NPAS3: variants seen among roughly 807,000 people sequenced by gnomAD.
NPAS3 encodes the protein neuronal PAS domain protein 3.
In NPAS3, 14 loss-of-function variants were observed where a neutral mutation model predicts 73.1. That is an observed-to-expected ratio of 0.19 (90% confidence interval 0.13 to 0.30). The LOEUF (loss-of-function observed/expected upper bound fraction) is 0.30. NPAS3 is among the 10% of genes least tolerant of loss of function. NPAS3 has a pLI of 1.00. For synonymous variants in NPAS3, 620 were observed against 541.5 expected, an observed-to-expected ratio of 1.14 and a Z score of -2.01; for missense variants, 1,096 against 1,250.0, an observed-to-expected ratio of 0.88 and a Z score of 1.86.
At chr14:33,115,825 A>G (rs1272785217) in intron 2 of NPAS3, among the ~76,000 whole-genome samples, 1 of 152,104 alleles carries the variant, frequency 6.6e-6, no homozygotes, top group East Asian at 1.9e-4. Flanking sequence ...GGTGACCTGC[A>G]TCTATCTGAT....
intron 3 of NPAS3, among the ~76,000 whole-genome samples, chr14:33,255,765 T>C (rs1249717887): frequency 6.6e-6 from 1 of 152,178 alleles, no homozygotes; most frequent in Non-Finnish European, 1.5e-5. Context: ...CCCAGTGTCC[T>C]GTGTGATGTC....
chr14:33,199,103 G>C (rs987230058), intron 2 of NPAS3, among the ~76,000 whole-genome samples: 1 of 152,182 alleles, frequency 6.6e-6, no homozygotes, highest in Non-Finnish European at 1.5e-5. Flanking sequence ...TGCAGCCCTG[G>C]TTCCTGCCCG....
chr14:33,743,321 G>T (rs1244757388), intron 7 of NPAS3, among the ~76,000 whole-genome samples: 1 of 152,172 alleles, frequency 6.6e-6, no homozygotes, highest in Non-Finnish European at 1.5e-5. Context: ...TTACAACACT[G>T]ACCCCCCTGT....
chr14:33,125,142 A>T (rs956491499), intron 2 of NPAS3, among the ~76,000 whole-genome samples: 9 of 152,066 alleles, frequency 5.9e-5, no homozygotes, highest in Non-Finnish European at 1.2e-4. Flanking sequence ...CAGTGCCCAG[A>T]CTTTTGCTTG....
At chr14:32,960,244 T>G (rs964801680) in intron 1 of NPAS3, among the ~76,000 whole-genome samples, 1 of 152,200 alleles carries the variant, frequency 6.6e-6, no homozygotes, top group African/African-American at 2.4e-5. Context: ...TTACACTGAT[T>G]ACCAAAGTTA....
rs374905129 is a variant in NPAS3 at position 33,533,695 on chromosome 14, A to T, written c.469-26426A>T. On this transcript the variant is annotated intron_variant, in intron 4 of 11. Coordinates refer to ENST00000356141, the Ensembl canonical transcript of NPAS3. ...ATTTTGAAACCATGCTCCATAGAGG[A>T]ATGGTTAAATTTATTATGAAATACC... 1.1e-4 allele frequency among the ~76,000 whole-genome samples: 17 copies of T among 152,284 alleles called. 1 individual carries two copies. Among genetic ancestry groups the T allele is most frequent in the African/African-American group, 4.1e-4 (17 of 41,580 alleles).
chr14:33,480,882 G>A (rs1462168253), intron 4 of NPAS3, among the ~76,000 whole-genome samples: 7 of 151,958 alleles, frequency 4.6e-5, no homozygotes, highest in Non-Finnish European at 7.4e-5. Flanking sequence ...CATATTTCCA[G>A]ATCTTAATTA....
chr14:33,589,263 G>A (rs774718901), intron 5 of NPAS3, among the ~76,000 whole-genome samples: 7 of 152,072 alleles, frequency 4.6e-5, no homozygotes, highest in Middle Eastern at 3.2e-3. Context: ...GACAAGAACC[G>A]TCTCCCTGAC....
intron 1 of NPAS3, among the ~76,000 whole-genome samples, chr14:33,045,428 C>G (rs2138445201): frequency 6.6e-6 from 1 of 152,258 alleles, no homozygotes; most frequent in Non-Finnish European, 1.5e-5. Flanking sequence ...GAGGGCTTTA[C>G]ATTTTGTATT....
At chr14:32,939,638 AAAG>A (rs1299136269) in intron 1 of NPAS3, among the ~76,000 whole-genome samples, 2 of 149,438 alleles carry the variant, frequency 1.3e-5, no homozygotes, top group East Asian at 1.9e-4. Context: ...AAAAAAAAAA[AAAG>A]AAGAAAGAAA....
intron 1 of NPAS3, among the ~76,000 whole-genome samples, chr14:33,008,044 T>G (rs10483420): frequency 0.59 from 89,338 of 152,018 alleles, 27,600 homozygotes; most frequent in Non-Finnish European, 0.7. Flanking sequence ...ATCATATTGT[T>G]TACCAAGGAA....
chr14:33,102,304 C>T (rs890168954), intron 2 of NPAS3, among the ~76,000 whole-genome samples: 54 of 152,038 alleles, frequency 3.6e-4, no homozygotes, highest in African/African-American at 1.2e-3. Flanking sequence ...AAGGGGGAAG[C>T]CTTGGAGAAA....
chr14:33,180,197 C>G (rs373847718), intron 2 of NPAS3, among the ~76,000 whole-genome samples: 1 of 151,682 alleles, frequency 6.6e-6, no homozygotes, highest in African/African-American at 2.4e-5. Context: ...CCTTTCCTAC[C>G]CCAACTCTCG....
intron 3 of NPAS3, among the ~76,000 whole-genome samples, chr14:33,245,411 G>A (rs534930037): frequency 6.6e-6 from 1 of 152,256 alleles, no homozygotes; most frequent in South Asian, 2.1e-4. Flanking sequence ...CAGATCCAAA[G>A]CCCTTAACTT....
intron 2 of NPAS3, among the ~76,000 whole-genome samples, chr14:33,205,117 C>T (rs1424161800): frequency 6.6e-6 from 1 of 152,066 alleles, no homozygotes. Context: ...AATAAACAAT[C>T]TTAATATTTT....
chr14:33,218,558 T>A (rs1159967632), intron 3 of NPAS3, among the ~76,000 whole-genome samples: 1 of 152,208 alleles, frequency 6.6e-6, no homozygotes, highest in Non-Finnish European at 1.5e-5. Flanking sequence ...GCCTGCAGCA[T>A]CATGTGAAGT....
intron 7 of NPAS3, among the ~76,000 whole-genome samples, chr14:33,772,396 G>A (rs566392117): frequency 6.6e-6 from 1 of 152,320 alleles, no homozygotes; most frequent in Admixed American, 6.5e-5. Context: ...AGGCAAAGCT[G>A]GAGATCAGAG....
At chr14:33,499,894 C>A (rs996875529) in intron 4 of NPAS3, among the ~76,000 whole-genome samples, 1 of 151,894 alleles carries the variant, frequency 6.6e-6, no homozygotes, top group African/African-American at 2.4e-5. Flanking sequence ...AAAAAGAATG[C>A]CTGGTCTGTG....
chr14:33,133,813 G>A (rs534955682), intron 2 of NPAS3, among the ~76,000 whole-genome samples: 1 of 152,224 alleles, frequency 6.6e-6, no homozygotes, highest in East Asian at 1.9e-4. Flanking sequence ...ACATGATATA[G>A]TGTCCAAGGA....
Sources: allele counts gnomAD v4.1 joint callset (sites outside exome capture counted in the v4.1 genomes callset), GRCh38; gene constraint gnomAD v4.1.1; transcripts MANE v1.5; gene names NCBI Gene and HGNC (gene_info 2026-07-23, HGNC 2026-07-21).